Variants in MYL1 observed in about 807,000 individuals in gnomAD.
MYL1 encodes myosin light chain 1/3, skeletal muscle isoform.
A neutral mutation model predicts 21.8 loss-of-function variants in MYL1; 16 were observed. The ratio of observed to expected loss-of-function variants is 0.74; its 90% CI spans 0.50 to 1.12. MYL1 has a LOEUF of 1.12. MYL1 is among the 50% of genes most tolerant of loss of function. MYL1 has a pLI of 0.00. For synonymous variants in MYL1, 99 were observed against 85.2 expected, an observed-to-expected ratio of 1.16 and a Z score of -0.89; for missense variants, 246 against 241.0, an observed-to-expected ratio of 1.02 and a Z score of -0.14.
At chr2:210,298,665 C>G (rs1274304901) in intron 2 of MYL1, 102 bp from the exon 3 acceptor site, 1 of 1,272,898 alleles carries the variant, frequency 7.9e-7, no homozygotes, top group Non-Finnish European at 1.1e-6. Context: ...AGTTTTACAA[C>G]TTCTGCCAAC....
Position 210,315,114 on chromosome 2 carries a change from AAG to A in MYL1, c.-74_-73del. On this transcript the variant is annotated 5_prime_UTR_variant, in exon 1 of 7. Transcript: ENST00000352451. ...AAGAACCTGTCAAAATGATTCTTGGAAGAGGAGTGGTGGTTGGGTTGATCCAC... is the reference window on the plus strand; with the variant it reads ...AAGAACCTGTCAAAATGATTCTTGGAAGGAGTGGTGGTTGGGTTGATCCAC... 1 of 1,563,682 alleles carries A rather than the reference AAG, an allele frequency of 6.4e-7. No individual in the cohort carries two copies. Among genetic ancestry groups the A allele is most frequent in the Non-Finnish European group, 8.6e-7 (1 of 1,161,230 alleles).
intron 1 of MYL1, among the ~76,000 whole-genome samples, chr2:210,305,276 C>A (rs1465290362): frequency 6.6e-6 from 1 of 152,012 alleles, no homozygotes; most frequent in Non-Finnish European, 1.5e-5. Context: ...ATTGAAAATA[C>A]AATTTTAAAA....
chr2:210,315,084 TC>T lies in MYL1; in HGVS notation c.-43del. 6.3e-7 allele frequency: 1 copy of T among 1,583,736 alleles called. No homozygotes were observed. Among genetic ancestry groups the T allele is most frequent in the Non-Finnish European group, 8.5e-7 (1 of 1,172,820 alleles). The stretch of plus-strand genomic sequence containing the variant: ...GTGGGTTAAAAAGAGAAGGAGTTCC[TC>T]CAAAAGAACCTGTCAAAATGATTCT... On this transcript the variant is annotated 5_prime_UTR_variant, in exon 1 of 7. Transcript: ENST00000352451.
chr2:210,291,053 G>C lies in MYL1; in HGVS notation c.578C>G (p.Ser193Cys). Residue 193 changes from serine (S) to cysteine (C), a missense_variant, in exon 6 of 7, where the codon TCT becomes TGT. Coordinates refer to ENST00000352451, the MANE Select transcript of MYL1 (RefSeq NM_079420.3). ...ATACCTTGAGAGCTCCATTCAGATA[G>C]ACATGATGTGCTTGACAAAAGCTGT... ...NYEAFVKHIM[S>C]I 1 of 1,609,204 alleles carries C rather than the reference G, an allele frequency of 6.2e-7. No individual in the cohort carries two copies. The highest frequency in any genetic ancestry group is 8.5e-7 in the Non-Finnish European group (1 of 1,176,136).
intron 3 of MYL1, 72 bp downstream of exon 3, chr2:210,298,348 A>ACACACACACG: frequency 6.6e-7 from 1 of 1,520,626 alleles, no homozygotes; most frequent in Non-Finnish European, 9.1e-7. Context: ...CTACACACAC[A>ACACACACACG]CACACACACA....
intron 1 of MYL1, chr2:210,302,976 G>A: frequency 8.3e-6 from 5 of 599,020 alleles, no homozygotes; most frequent in Admixed American, 3.2e-5. Flanking sequence ...AAGATAATTA[G>A]GGAATATCTT....
At chr2:210,302,989 T>C in intron 1 of MYL1, 1 of 595,736 alleles carries the variant, frequency 1.7e-6, no homozygotes, top group Non-Finnish European at 3.0e-6. Flanking sequence ...AATATCTTTC[T>C]GCATCTTAAT....
intron 2 of MYL1, 152 bp downstream of exon 2, chr2:210,302,336 T>G: frequency 1.7e-6 from 1 of 591,944 alleles, no homozygotes; most frequent in Non-Finnish European, 2.7e-6. Flanking sequence ...TGAGCTAATT[T>G]ATATTTAGAG....
Position 210,294,409 on chromosome 2 carries a change from G to T in MYL1, c.314C>A (p.Ala105Asp). ...LGNPSNEELN[A>D]KKIEFEQFLP... Reference sequence around the variant, plus strand: ...AAATTGTTCAAACTCAATTTTCTTGGCATTCAGCTCTGTAAGAAATTGCAA... The same window carrying T: ...AAATTGTTCAAACTCAATTTTCTTGTCATTCAGCTCTGTAAGAAATTGCAA... The change falls in exon 4 of 7, where the codon GCC becomes GAC. Residue 105 changes from alanine to aspartate, a missense_variant. Coordinates refer to ENST00000352451, the MANE Select transcript of MYL1 (RefSeq NM_079420.3). 1 of 1,613,442 alleles carries T rather than the reference G, an allele frequency of 6.2e-7. No homozygotes were observed. The highest frequency in any genetic ancestry group is 8.5e-7 in the Non-Finnish European group (1 of 1,179,646).
At chr2:210,308,178 G>T (rs1690366142) in intron 1 of MYL1, among the ~76,000 whole-genome samples, 1 of 151,794 alleles carries the variant, frequency 6.6e-6, no homozygotes, top group South Asian at 2.1e-4. Context: ...TGTGCTCTCT[G>T]ATTTAACGCC....
At chr2:210,292,915 G>A (rs965467169) in intron 5 of MYL1, among the ~76,000 whole-genome samples, 1 of 151,956 alleles carries the variant, frequency 6.6e-6, no homozygotes, top group South Asian at 2.1e-4. Context: ...AATTGTCGAC[G>A]GGGAAAAAAG....
At chr2:210,299,277 T>C (rs565472752) in intron 2 of MYL1, among the ~76,000 whole-genome samples, 142 of 152,304 alleles carry the variant, frequency 9.3e-4, no homozygotes, top group Non-Finnish European at 1.4e-3. Flanking sequence ...GCTTTAGAAT[T>C]TCGCTATGCC....
intron 2 of MYL1, 62 bp downstream of exon 2, chr2:210,302,426 G>A (rs917079206): frequency 6.7e-7 from 1 of 1,493,776 alleles, no homozygotes; most frequent in African/African-American, 1.4e-5. Flanking sequence ...CAAGGGAGTT[G>A]GTTTTCACAC....
At chr2:210,303,605 G>C in intron 1 of MYL1, 1 of 1,595,422 alleles carries the variant, frequency 6.3e-7, no homozygotes, top group Non-Finnish European at 8.5e-7. Context: ...GGGCTGCTCC[G>C]GTCCCTGAGT....
intron 1 of MYL1, among the ~76,000 whole-genome samples, chr2:210,314,360 T>C (rs547878890): frequency 6.6e-6 from 1 of 152,326 alleles, no homozygotes; most frequent in South Asian, 2.1e-4. Context: ...AGATCTCATT[T>C]AGTGTTGTAT....
In MYL1 at chr2:210,314,856, G is replaced by C; in HGVS notation, c.132+55C>G. ...ATACACGCCTTTGCAAGTTCCTAGA[G>C]ATCCTTACTATTGAAAGATGTTTCA... On this transcript the variant is annotated intron_variant, in intron 1 of 6. Transcript: ENST00000352451. 5.6e-6 allele frequency: 9 copies of C among 1,599,708 alleles called. No individual in the cohort carries two copies. The South Asian group carries it at 1.0e-4, about 18-fold the overall frequency.
chr2:210,298,276 G>C, intron 3 of MYL1, 144 bp downstream of exon 3: 1 of 966,172 alleles, frequency 1.0e-6, no homozygotes, highest in South Asian at 2.0e-5. Context: ...CCTATTATGT[G>C]AAACATTTTT....
In MYL1 at chr2:210,299,927, CCCTCCCCT is replaced by C. The variant is rs147408279; in HGVS notation, c.161-1372_161-1365del. On this transcript the variant is annotated intron_variant, in intron 2 of 6. Transcript: ENST00000352451. ...CAAAGTATTCCATCTTGCTATTCCT[CCCTCCCCT>C]AATCTAACATCGCACTGACATTATA... Among the ~76,000 whole-genome samples the C allele has an allele frequency of 6.2e-4, 95 of 152,256 alleles. 1 individual carries two copies. The East Asian group carries it at 0.018, about 28-fold the overall frequency.
chr2:210,311,044 T>G (rs2125744825), intron 1 of MYL1, among the ~76,000 whole-genome samples: 1 of 152,176 alleles, frequency 6.6e-6, no homozygotes, highest in Non-Finnish European at 1.5e-5. Flanking sequence ...ATACAATAAC[T>G]TCAGTGTAAT....
Sources: allele counts gnomAD v4.1 joint callset (sites outside exome capture counted in the v4.1 genomes callset), GRCh38; gene constraint gnomAD v4.1.1; transcripts MANE v1.5; gene names NCBI Gene and HGNC (gene_info 2026-07-23, HGNC 2026-07-21).